The following DDHD2 variants were observed in gnomAD, a reference collection of about 807,000 sequenced individuals.
DDHD2 encodes the protein triacylglycerol hydrolase DDHD2.
In DDHD2, 62 loss-of-function variants were observed where a neutral mutation model predicts 91.2. The ratio of observed to expected loss-of-function variants is 0.68; its 90% CI spans 0.55 to 0.84. The LOEUF (loss-of-function observed/expected upper bound fraction) is 0.84, where lower values mean the gene tolerates loss of function less well. Ranked by LOEUF, DDHD2 falls within the 40% of genes least tolerant of loss-of-function variation. The pLI, the probability that DDHD2 is intolerant of heterozygous loss-of-function variation, is 0.00. For synonymous variants in DDHD2, 271 were observed against 293.9 expected (o/e 0.92, Z 0.80); for missense variants, 740 against 846.9 (o/e 0.87, Z 1.57).
chr8:38,265,297 T>C (rs1013305656), downstream of DDHD2, among the ~76,000 whole-genome samples: 2 of 151,424 alleles, frequency 1.3e-5, no homozygotes, highest in African/African-American at 4.9e-5. Flanking sequence ...GTTGCTTCTC[T>C]TTGCAAAAAA....
intron 6 of DDHD2, chr8:38,241,817 G>A (rs1324846153): frequency 1.3e-5 from 2 of 154,414 alleles, no homozygotes; most frequent in Middle Eastern, 3.0e-3. Flanking sequence ...ACTTTGGGGG[G>A]CCAAGGCAGG....
At chr8:38,242,410 G>A in intron 7 of DDHD2, 25 bp downstream of exon 7, 1 of 1,601,066 alleles carries the variant, frequency 6.2e-7, no homozygotes. Context: ...ATACCTTCGA[G>A]TTGTTAGCTG....
intron 6 of DDHD2, 68 bp from the exon 7 acceptor site, chr8:38,242,182 T>C: frequency 2.4e-6 from 3 of 1,241,626 alleles, no homozygotes; most frequent in Non-Finnish European, 3.4e-6. Flanking sequence ...AATTACATGA[T>C]TTGTTGCATC....
At chr8:38,234,726 C>A in intron 3 of DDHD2, 142 bp downstream of exon 3, 5 of 627,208 alleles carry the variant, frequency 8.0e-6, no homozygotes, top group Non-Finnish European at 1.3e-5. Flanking sequence ...TAAAGCATTT[C>A]TATTTACAAG....
rs1805323544 is a variant in DDHD2, at chr8:38,242,357, A to G, written c.820A>G (p.Ser274Gly). The G allele has an allele frequency of 5.0e-6, 8 of 1,610,814 alleles. No individual in the cohort carries two copies. The highest frequency in any genetic ancestry group is 5.9e-6 in the Non-Finnish European group (7 of 1,179,112). The change falls in exon 7 of 18, where the codon AGT becomes GGT. Residue 274 changes from serine to glycine, a missense_variant. By Grantham distance (56) the Ser-to-Gly change is moderately conservative. Coordinates refer to ENST00000397166, the MANE Select transcript of DDHD2 (RefSeq NM_015214.3). ...AGAATTTCTTCCAGTCAACTGGCACAGTCCTTTGCATTCTACTGGTGTGGA... is the reference window on the plus strand; with the variant it reads ...AGAATTTCTTCCAGTCAACTGGCACGGTCCTTTGCATTCTACTGGTGTGGA... ...RVEFLPVNWHSPLHSTGVDVD... is the reference protein window; with the variant it reads ...RVEFLPVNWHGPLHSTGVDVD...
intron 1 of DDHD2, chr8:38,267,936 T>C: frequency 6.2e-7 from 1 of 1,614,022 alleles, no homozygotes; most frequent in African/African-American, 1.3e-5. Flanking sequence ...AAAGACGCCA[T>C]TCAGAGCCAG....
Position 38,238,182 on chromosome 8 carries a change from G to A in DDHD2, c.595G>A (p.Glu199Lys). 6.2e-7 allele frequency: 1 copy of A among 1,613,904 alleles called. No homozygotes were observed. Among genetic ancestry groups the A allele is most frequent in the Non-Finnish European group, 8.5e-7 (1 of 1,179,798 alleles). ...ACCAAGAACTGTGAAGAGAGGAGTT[G>A]AGAACATCTCTGTTGACATTCATTG... ...GRPRTVKRGV[E>K]NISVDIHCGE... is the part of the protein sequence containing the mutation. The change falls in exon 5 of 18, where the codon GAG (glutamate) becomes AAG (lysine). Residue 199 changes from glutamate (E) to lysine (K), a missense_variant. Coordinates refer to ENST00000397166, the MANE Select transcript of DDHD2 (RefSeq NM_015214.3).
chr8:38,264,672 A>T (rs995124493), downstream of DDHD2: 3 of 1,471,536 alleles, frequency 2.0e-6, no homozygotes, highest in Non-Finnish European at 2.7e-6. Flanking sequence ...TACACATAGC[A>T]TAGAGGACCT....
At chr8:38,264,210 C>T (rs1023687780), downstream of DDHD2, 30 of 924,772 alleles carry the variant, frequency 3.2e-5, no homozygotes, top group South Asian at 4.1e-4. Flanking sequence ...TGCAGTGGTG[C>T]GATCTCGGCT....
downstream of DDHD2, chr8:38,266,987 T>G: frequency 7.8e-7 from 1 of 1,284,510 alleles, no homozygotes; most frequent in South Asian, 1.9e-5. Context: ...AACTCTTCGT[T>G]AAAGGTATTT....
At chr8:38,242,508 T>C in intron 7 of DDHD2, 123 bp downstream of exon 7, 1 of 1,037,442 alleles carries the variant, frequency 9.6e-7, no homozygotes, top group South Asian at 1.6e-5. Flanking sequence ...AGATATGCTA[T>C]TAAATGCTGA....
chr8:38,236,632 C>T (rs1249063152), intron 3 of DDHD2, among the ~76,000 whole-genome samples: 1 of 152,176 alleles, frequency 6.6e-6, no homozygotes, highest in Non-Finnish European at 1.5e-5. Flanking sequence ...TCTCCTGCCT[C>T]AGCCTCCCGA....
chr8:38,240,744 G>A (rs1444115809), intron 6 of DDHD2, among the ~76,000 whole-genome samples: 2 of 152,108 alleles, frequency 1.3e-5, no homozygotes, highest in African/African-American at 2.4e-5. Context: ...ATTGTAATTG[G>A]AGGATTTAAG....
chr8:38,267,320 T>TC (rs1563327569), downstream of DDHD2: 2 of 1,613,948 alleles, frequency 1.2e-6, no homozygotes, highest in South Asian at 2.2e-5. Context: ...CACGTCCTTA[T>TC]CCCCTGTACA....
At chr8:38,238,750 A>G (rs1459603914) in intron 5 of DDHD2, 1 of 852,308 alleles carries the variant, frequency 1.2e-6, no homozygotes, top group Non-Finnish European at 1.4e-6. Context: ...ACATTGATAA[A>G]AATGAAATAC....
chr8:38,269,219 G>T, intron 1 of DDHD2: 2 of 1,486,662 alleles, frequency 1.3e-6, no homozygotes, highest in East Asian at 5.6e-5. Flanking sequence ...AGCTCCGAGC[G>T]ACGCTGCGCT....
Position 38,253,555 on chromosome 8 carries a change from G to A in DDHD2, c.1892-1G>A. ...TCTTATTATGGTTCTTCCATATCCA[G>A]ATGTTAACACAGAAGAGACCTCTGT... On this transcript the variant is annotated splice_acceptor_variant, in intron 15 of 17. Transcript: ENST00000397166. LOFTEE classifies it high-confidence loss of function. The A allele has an allele frequency of 6.2e-7, 1 of 1,611,656 alleles. No individual in the cohort carries two copies. The highest frequency in any genetic ancestry group is 8.5e-7 in the Non-Finnish European group (1 of 1,179,340).
At chr8:38,236,696 G>C (rs1312820477) in intron 3 of DDHD2, among the ~76,000 whole-genome samples, 1 of 152,078 alleles carries the variant, frequency 6.6e-6, no homozygotes, top group Non-Finnish European at 1.5e-5. Context: ...TGTATTTGTA[G>C]TAGAGATGGG....
intron 6 of DDHD2, among the ~76,000 whole-genome samples, chr8:38,241,805 G>A (rs1290577814): frequency 6.6e-6 from 1 of 150,674 alleles, no homozygotes. Flanking sequence ...TGTAATCCCA[G>A]CACTTTGGGG....
Sources: allele counts gnomAD v4.1 joint callset (sites outside exome capture counted in the v4.1 genomes callset), GRCh38; gene constraint gnomAD v4.1.1; transcripts MANE v1.5; gene names NCBI Gene and HGNC (gene_info 2026-07-23, HGNC 2026-07-21).